The following TF variants were observed in gnomAD, a reference collection of about 807,000 sequenced individuals.
TF encodes the protein transferrin.
TF carries 55 observed loss-of-function variants against 82.4 expected under a neutral mutation model. That is an observed-to-expected ratio of 0.67 (90% CI 0.54 to 0.84). The LOEUF (loss-of-function observed/expected upper bound fraction) is 0.84. Among genes scored for constraint, TF ranks in the 40% least tolerant of loss-of-function variants. The pLI is 0.00. For missense variants in TF, 737 were observed against 868.4 expected, an observed-to-expected ratio of 0.85 and a Z score of 1.90; for synonymous variants, 332 against 332.6, an observed-to-expected ratio of 1.00 and a Z score of 0.02.
intron 2 of TF, 53 bp from the exon 3 acceptor site, chr3:133,753,542 G>T (rs1404994450): frequency 2.6e-6 from 4 of 1,518,370 alleles, no homozygotes; most frequent in African/African-American, 1.4e-5. Context: ...GGGTTGAGGT[G>T]GGCCTTCCTT....
At chr3:133,755,818 G>T in intron 5 of TF, 1 of 476,756 alleles carries the variant, frequency 2.1e-6, no homozygotes, top group South Asian at 2.1e-5. Flanking sequence ...TGGGCCCACT[G>T]TCCAGGGACT....
At chr3:133,664,682 T>C in the TF span, among the ~76,000 whole-genome samples, 64 of 152,362 alleles carry the variant, frequency 4.2e-4, no homozygotes, top group Non-Finnish European at 7.8e-4. Context: ...GTAAATACTA[T>C]GTAAACGTTT....
the TF span, among the ~76,000 whole-genome samples, chr3:133,735,422 C>T: frequency 6.6e-6 from 1 of 151,802 alleles, no homozygotes; most frequent in Admixed American, 6.6e-5. Flanking sequence ...CAACTCCTTG[C>T]CAGCCAGGAA....
chr3:133,741,675 G>T (rs1576351421), upstream of TF, among the ~76,000 whole-genome samples: 1 of 152,148 alleles, frequency 6.6e-6, no homozygotes. Context: ...CTGAGTGATA[G>T]GGTCATACCG....
At chr3:133,756,489 T>C in intron 6 of TF, 152 bp downstream of exon 6, 1 of 907,296 alleles carries the variant, frequency 1.1e-6, no homozygotes. Flanking sequence ...GTTAGGTACC[T>C]ACGGGGTCCC....
the TF span, among the ~76,000 whole-genome samples, chr3:133,681,906 A>G: frequency 1.3e-5 from 2 of 152,192 alleles, no homozygotes; most frequent in Non-Finnish European, 2.9e-5. Context: ...TGCCTCCTCA[A>G]GTGGGTCCCT....
chr3:133,728,167 G>A, the TF span, among the ~76,000 whole-genome samples: 27 of 152,098 alleles, frequency 1.8e-4, no homozygotes, highest in East Asian at 1.7e-3. Flanking sequence ...TCTTTGTGGC[G>A]TTCTCTGTAT....
At chr3:133,766,225 C>T in intron 11 of TF, 53 bp from the exon 12 acceptor site, 3 of 1,575,858 alleles carry the variant, frequency 1.9e-6, no homozygotes, top group East Asian at 2.2e-5. Context: ...GAAGCAGACA[C>T]TCTGGAAGCC....
chr3:133,740,612 T>G, the TF span, among the ~76,000 whole-genome samples: 4 of 152,192 alleles, frequency 2.6e-5, no homozygotes, highest in South Asian at 2.1e-4. Context: ...ATTACAGGCA[T>G]GAGCCACCGT....
At chr3:133,769,393 G>A (rs1934205188) in intron 13 of TF, among the ~76,000 whole-genome samples, 1 of 152,102 alleles carries the variant, frequency 6.6e-6, no homozygotes, top group Non-Finnish European at 1.5e-5. Context: ...TCTTTTTCTG[G>A]TGATAACATA....
the TF span, among the ~76,000 whole-genome samples, chr3:133,668,813 A>C: frequency 6.6e-6 from 1 of 152,064 alleles, no homozygotes; most frequent in Non-Finnish European, 1.5e-5. Flanking sequence ...ATAGGGAAAA[A>C]AACCCCTTAA....
In TF at chr3:133,795,260, A is replaced by C. The variant is rs202167522; in HGVS notation, c.*16640A>C. ...GAGGTTTGGTTTATGGTGACCCTGG[A>C]TAAGGAGCATACTTACTCTCAACTC... On this transcript the variant is annotated 3_prime_UTR_variant, in exon 17 of 17. Coordinates refer to ENST00000402696, the MANE Select transcript of TF (RefSeq NM_001063.4). 4 of 152,342 alleles carry C rather than the reference A, an allele frequency of 2.6e-5. No homozygotes were observed. The East Asian group carries it at 7.7e-4, about 29-fold the overall frequency. The allele number at this position is 152,342 out of a possible 1,614,324, so 9.4% of individuals were successfully genotyped here.
chr3:133,788,038 A>G lies in TF; in HGVS notation c.*9418A>G, dbSNP rs942786895. ...AAGGATTCTAGATCAGAATATTCCTATTTAGAAGACAGTTTAAGATAAACC... is the reference window on the plus strand; with the variant it reads ...AAGGATTCTAGATCAGAATATTCCTGTTTAGAAGACAGTTTAAGATAAACC... On this transcript the variant is annotated 3_prime_UTR_variant, in exon 17 of 17. Coordinates refer to ENST00000402696, the MANE Select transcript of TF (RefSeq NM_001063.4). 7 of 152,236 alleles carry G rather than the reference A, an allele frequency of 4.6e-5. No individual in the cohort carries two copies. The highest frequency in any genetic ancestry group is 6.5e-5 in the Admixed American group (1 of 15,292). 9.4% of individuals were successfully genotyped at this position (152,236 alleles called of 1,614,324 possible).
chr3:133,705,526 G>A, the TF span, among the ~76,000 whole-genome samples: 2 of 152,176 alleles, frequency 1.3e-5, no homozygotes, highest in African/African-American at 2.4e-5. Flanking sequence ...ATCTGCTAGA[G>A]TACTGGGGAG....
At chr3:133,727,378 C>G in the TF span, among the ~76,000 whole-genome samples, 1 of 147,492 alleles carries the variant, frequency 6.8e-6, no homozygotes, top group African/African-American at 2.5e-5. Context: ...GTTAGCTCTT[C>G]TTGTTGAATT....
At chr3:133,711,953 C>A in the TF span, among the ~76,000 whole-genome samples, 2 of 152,026 alleles carry the variant, frequency 1.3e-5, no homozygotes, top group African/African-American at 4.8e-5. Context: ...TGTGCAGATG[C>A]TGGTCCCCTG....
At chr3:133,736,369 A>G in the TF span, among the ~76,000 whole-genome samples, 3 of 152,334 alleles carry the variant, frequency 2.0e-5, no homozygotes, top group South Asian at 2.1e-4. Context: ...TGTAAAGACC[A>G]TCAACACTAT....
Position 133,792,887 on chromosome 3 carries a change from A to G in TF, c.*14267A>G, listed in dbSNP as rs1934875264. ...TTTCTGGTTTTTCCATAAATTGAACATCAAAATAAAAGCACAAACAGGGTT... is the reference window on the plus strand; with the variant it reads ...TTTCTGGTTTTTCCATAAATTGAACGTCAAAATAAAAGCACAAACAGGGTT... On this transcript the variant is annotated 3_prime_UTR_variant, in exon 17 of 17. Transcript: ENST00000402696. 6.6e-6 allele frequency: 1 copy of G among 152,200 alleles called. No individual in the cohort carries two copies. The highest frequency in any genetic ancestry group is 2.1e-4 in the South Asian group (1 of 4,836). The allele number at this position is 152,200 out of a possible 1,614,324, so 9.4% of individuals were successfully genotyped here.
rs1359475269 is a variant in TF at position 133,781,544 on chromosome 3, CAT to C, written c.*2927_*2928del. On this transcript the variant is annotated 3_prime_UTR_variant, in exon 17 of 17. Transcript: ENST00000402696. ...AAAGTAAAAAATAATGTAAAGAAGA[CAT>C]ATTGCTTTGGATAGGAAGACTCAGT... The C allele has an allele frequency of 6.6e-6, 1 of 152,058 alleles. No individual in the cohort carries two copies. Among genetic ancestry groups the C allele is most frequent in the Admixed American group, 6.6e-5 (1 of 15,264 alleles). 9.4% of individuals were successfully genotyped at this position (152,058 alleles called of 1,614,324 possible).
Sources: gnomAD v4.1 joint callset for allele counts (sites outside exome capture counted in the v4.1 genomes callset) on GRCh38, gnomAD v4.1.1 for gene constraint, MANE v1.5 for transcripts, NCBI Gene and HGNC (gene_info 2026-07-23, HGNC 2026-07-21) for gene names.